The following UGT1A7 variants were observed in gnomAD, a reference collection of about 807,000 sequenced individuals.
The protein encoded by UGT1A7 is UDP glucuronosyltransferase family 1 member A7.
Under a neutral mutation model 45.6 loss-of-function variants are expected in UGT1A7, and 33 were observed. The observed-to-expected ratio is 0.72, with a 90% confidence interval of 0.55 to 0.97. The LOEUF (loss-of-function observed/expected upper bound fraction) is 0.97. Ranked by LOEUF, UGT1A7 falls within the 50% of genes least tolerant of loss-of-function variation. The pLI, the probability that UGT1A7 is intolerant of heterozygous loss-of-function variation, is 0.00. For missense variants in UGT1A7, 684 were observed against 666.2 expected (o/e 1.03, Z -0.29); for synonymous variants, 274 against 250.6 (o/e 1.09, Z -0.88).
Position 233,694,015 on chromosome 2 carries a change from CAT to C in UGT1A7, c.855+11225_855+11226del, listed in dbSNP as rs2075195647. 2.9e-6 allele frequency: 4 copies of C among 1,382,808 alleles called. No homozygotes were observed. The East Asian group carries it at 9.1e-5, about 32-fold the overall frequency. The allele number at this position is 1,382,808 out of a possible 1,614,324, so 85.7% of individuals were successfully genotyped here. ...TACCCGGCTCGGAGCAGCGGGAACA[CAT>C]AGGAGACCTGAGGCTGAAGTGATAC... is the stretch of plus-strand genomic sequence containing the variant. On this transcript the variant is annotated intron_variant, in intron 1 of 4. Coordinates refer to ENST00000373426, the MANE Select transcript of UGT1A7 (RefSeq NM_019077.3).
chr2:233,753,468 A>G (rs1476776984), intron 1 of UGT1A7: 1 of 152,192 alleles, frequency 6.6e-6, no homozygotes, highest in Non-Finnish European at 1.5e-5. Flanking sequence ...TTCTGTAAAA[A>G]ATTACCAGCA....
rs150837733 is a variant in UGT1A7, at chr2:233,735,056, T to A, written c.856-31978T>A. ...TGCTTGGTGCAGAGCTGAGTTCAGG[T>A]CCTGGATATCCTTGTTAACCTTTGG... On this transcript the variant is annotated intron_variant, in intron 1 of 4. Coordinates refer to ENST00000373426, the MANE Select transcript of UGT1A7 (RefSeq NM_019077.3). 1.8e-3 allele frequency among the ~76,000 whole-genome samples: 281 copies of A among 152,326 alleles called. 3 individuals are homozygous for A. Among genetic ancestry groups the A allele is most frequent in the East Asian group, 0.013 (69 of 5,186 alleles).
chr2:233,719,924 C>T (rs1442690759), intron 1 of UGT1A7, among the ~76,000 whole-genome samples: 2 of 152,124 alleles, frequency 1.3e-5, no homozygotes, highest in Admixed American at 6.5e-5. Context: ...CTGTGACTCA[C>T]GGACAGTGTT....
Position 233,720,480 on chromosome 2 carries a change from G to GTCCAAGAAGGGACTTCTGGTGAGGA in UGT1A7, c.855+37700_855+37701insCTTCTGGTGAGGATCCAAGAAGGGA, listed in dbSNP as rs2076862998. Among the ~76,000 whole-genome samples the GTCCAAGAAGGGACTTCTGGTGAGGA allele has an allele frequency of 3.3e-5, 5 of 152,228 alleles. No individual in the cohort carries two copies. In the South Asian group the frequency reaches 1.0e-3, roughly 32 times the overall value. ...TGGGACCAGTGATGAATGGACATGT[G>GTCCAAGAAGGGACTTCTGGTGAGGA]TCCAAGAAGGGAAGTGTTTCTCAGG... On this transcript the variant is annotated intron_variant, in intron 1 of 4. Transcript: ENST00000373426.
At position 233,743,743 on chromosome 2, in the gene UGT1A7, G is replaced by A. The variant is rs745945267; in HGVS notation, c.856-23291G>A. On this transcript the variant is annotated intron_variant, in intron 1 of 4. Coordinates refer to ENST00000373426, the MANE Select transcript of UGT1A7 (RefSeq NM_019077.3). ...GGTCATAGATATCGCGTTTCTTGGC[G>A]TCCGACAACACCTCGTAGGCCTCGG... 19 of 1,367,226 alleles carry A rather than the reference G, an allele frequency of 1.4e-5. No individual in the cohort carries two copies. The Admixed American group carries it at 1.9e-4, about 14-fold the overall frequency. The allele number at this position is 1,367,226 out of a possible 1,614,324, so 84.7% of individuals were successfully genotyped here.
In UGT1A7 at chr2:233,681,944, C is replaced by T; in HGVS notation, c.7C>T (p.Arg3Cys). 1 of 1,612,684 alleles carries T rather than the reference C, an allele frequency of 6.2e-7. No homozygotes were observed. Among genetic ancestry groups the T allele is most frequent in the Non-Finnish European group, 8.5e-7 (1 of 1,179,140 alleles). The change falls in exon 1 of 5, where the codon CGT (arginine) becomes TGT (cysteine). Residue 3 changes from arginine (R) to cysteine (C), a missense_variant. Physicochemically the swap from Arg to Cys is radical, Grantham distance 180 (BLOSUM62 -3). Transcript: ENST00000373426. MA[R>C]AGWTGLLPLY... ...TCTGGGCTGAAGTTCTCTGATGGCT[C>T]GTGCAGGGTGGACTGGCCTCCTTCC...
Position 233,769,714 on chromosome 2 carries a change from G to C in UGT1A7, c.1295+1275G>C. On this transcript the variant is annotated intron_variant, in intron 4 of 4. Coordinates refer to ENST00000373426, the MANE Select transcript of UGT1A7 (RefSeq NM_019077.3). This position sits in a 1 kb window ranked among gnomAD's most constrained non-coding sequence, Gnocchi z 4.4. ...TGGATAAAAGATCAATGTTGGCTAG[G>C]CACCATGGCACACGCCTGTAGTCCC... 6.7e-7 allele frequency: 1 copy of C among 1,497,244 alleles called. No homozygotes were observed. Among genetic ancestry groups the C allele is most frequent in the Non-Finnish European group, 8.9e-7 (1 of 1,121,796 alleles). The allele number at this position is 1,497,244 out of a possible 1,614,324, so 92.7% of individuals were successfully genotyped here. A position where few individuals can be genotyped will look rare whatever the true frequency, so the allele number is the denominator to read the frequency against.
intron 1 of UGT1A7, chr2:233,718,696 A>G: frequency 1.9e-6 from 3 of 1,595,236 alleles, no homozygotes; most frequent in Non-Finnish European, 2.6e-6. Flanking sequence ...GGAGGAGGGC[A>G]CTTTGTCTTC....
chr2:233,684,163 C>G (rs1051297067), intron 1 of UGT1A7, among the ~76,000 whole-genome samples: 2 of 152,156 alleles, frequency 1.3e-5, no homozygotes, highest in South Asian at 4.1e-4. Context: ...CATTCTCTCT[C>G]ATATTGGCAG....
intron 1 of UGT1A7, among the ~76,000 whole-genome samples, chr2:233,728,059 C>T (rs2077678124): frequency 1.3e-5 from 2 of 152,228 alleles, no homozygotes; most frequent in South Asian, 2.1e-4. Context: ...GGCTTGAGGC[C>T]CTTGTGAGTG....
At chr2:233,755,021 G>C (rs1378604817) in intron 1 of UGT1A7, 1 of 1,305,166 alleles carries the variant, frequency 7.7e-7, no homozygotes, top group Non-Finnish European at 1.0e-6. Context: ...AGGGGTCCTT[G>C]AAGGGCCTGC....
At chr2:233,718,793 C>T in intron 1 of UGT1A7, 2 of 1,613,146 alleles carry the variant, frequency 1.2e-6, no homozygotes, top group Non-Finnish European at 1.7e-6. Flanking sequence ...GTGGGGTGGA[C>T]AGTCAGCTGT....
At chr2:233,742,507 G>A (rs1692002701) in intron 1 of UGT1A7, among the ~76,000 whole-genome samples, 1 of 151,888 alleles carries the variant, frequency 6.6e-6, no homozygotes, top group Non-Finnish European at 1.5e-5. Flanking sequence ...TGGCTATCAT[G>A]AACACGTCAC....
chr2:233,764,139 C>T (rs911077141), intron 1 of UGT1A7, among the ~76,000 whole-genome samples: 4 of 152,156 alleles, frequency 2.6e-5, no homozygotes, highest in Admixed American at 1.3e-4. Context: ...TGTTAAATGT[C>T]TCATTTTGGC....
chr2:233,755,506 C>T (rs1314328553), intron 1 of UGT1A7: 1 of 167,798 alleles, frequency 6.0e-6, no homozygotes, highest in Admixed American at 5.8e-5. Context: ...CAAGACCAGG[C>T]CCCGCCCACT....
chr2:233,685,839 G>A (rs1161288119), intron 1 of UGT1A7, among the ~76,000 whole-genome samples: 2 of 152,034 alleles, frequency 1.3e-5, no homozygotes, highest in African/African-American at 4.8e-5. Flanking sequence ...AAAAAATAAG[G>A]AAAATTTGTT....
intron 1 of UGT1A7, among the ~76,000 whole-genome samples, chr2:233,695,634 C>T (rs1162944712): frequency 6.6e-6 from 1 of 152,010 alleles, no homozygotes; most frequent in Non-Finnish European, 1.5e-5. Flanking sequence ...CCATGAGACC[C>T]ACTTTTTTAG....
intron 1 of UGT1A7, chr2:233,729,111 C>G (rs773243405): frequency 2.0e-5 from 33 of 1,612,748 alleles, no homozygotes; most frequent in Admixed American, 3.3e-5. Flanking sequence ...GTCAGCTGTC[C>G]GTGTCTTCTG....
At position 233,734,360 on chromosome 2, in the gene UGT1A7, C is replaced by T. The variant is rs565800937; in HGVS notation, c.856-32674C>T. Among the ~76,000 whole-genome samples the T allele has an allele frequency of 6.9e-4, 105 of 152,192 alleles. No individual in the cohort carries two copies. In the South Asian group the frequency reaches 0.014, roughly 20 times the overall value. ...ATGGTAGTTTGTATTTCTGTGGGAT[C>T]GGTGGTGATATTGCCTTTACTATTT... is the stretch of plus-strand genomic sequence containing the variant. On this transcript the variant is annotated intron_variant, in intron 1 of 4. Coordinates refer to ENST00000373426, the MANE Select transcript of UGT1A7 (RefSeq NM_019077.3).
Sources: gnomAD v4.1 joint callset for allele counts (sites outside exome capture counted in the v4.1 genomes callset) on GRCh38, gnomAD v4.1.1 for gene constraint, Gnocchi (gnomAD v3.1) non-coding constraint, MANE v1.5 for transcripts, NCBI Gene and HGNC (gene_info 2026-07-23, HGNC 2026-07-21) for gene names.